Variants in SIPA1L3 observed in about 807,000 individuals in gnomAD.
The protein encoded by SIPA1L3 is signal-induced proliferation-associated 1-like protein 3.
Under a neutral mutation model 150.1 loss-of-function variants are expected in SIPA1L3, and 59 were observed. That is an observed-to-expected ratio of 0.39 (90% CI 0.32 to 0.49). The LOEUF (loss-of-function observed/expected upper bound fraction) is 0.49. SIPA1L3 is among the 20% of genes least tolerant of loss of function. The pLI is 0.86. For missense variants in SIPA1L3, 2,211 were observed against 2,489.5 expected (o/e 0.89, Z 2.38); for synonymous variants, 1,070 against 1,077.6 (o/e 0.99, Z 0.14).
At chr19:38,088,918 G>A in intron 4 of SIPA1L3, 67 bp downstream of exon 4, 1 of 1,567,340 alleles carries the variant, frequency 6.4e-7, no homozygotes, top group Admixed American at 1.7e-5. Context: ...CCAGGTTCTG[G>A]GGGCAAACGC....
chr19:37,941,231 G>T lies in SIPA1L3; in HGVS notation c.-379+33873G>T, dbSNP rs2046654570. ...TTCTGTATTGGTGTTAGTGGCCGTG[G>T]ATGACCATTGCTCAGAGCCATTATT... On this transcript the variant is annotated intron_variant, in intron 1 of 21. Transcript: ENST00000222345. 2.0e-5 allele frequency among the ~76,000 whole-genome samples: 3 copies of T among 152,086 alleles called. No homozygotes were observed. The South Asian group carries it at 6.2e-4, about 32-fold the overall frequency.
rs149241842 is a variant in SIPA1L3, at chr19:38,110,265, G to A, written c.2172G>A (p.Thr724=). 2.6e-5 allele frequency: 42 copies of A among 1,614,110 alleles called. No homozygotes were observed. In the African/African-American group the frequency reaches 3.2e-4, roughly 12 times the overall value. The change falls in exon 8 of 22, where the codon ACG becomes ACA. Residue 724 remains threonine (T), a synonymous_variant. Transcript: ENST00000222345. ...RKRHIGNDIV[T]IIFQEPGALP... ...GGCACATAGGAAATGACATCGTGACGATCATCTTCCAGGAGCCTGGCGCGC... is the reference window on the plus strand; with the variant it reads ...GGCACATAGGAAATGACATCGTGACAATCATCTTCCAGGAGCCTGGCGCGC...
chr19:37,909,586 G>T (rs966068578), intron 1 of SIPA1L3, among the ~76,000 whole-genome samples: 2 of 152,222 alleles, frequency 1.3e-5, no homozygotes, highest in Non-Finnish European at 2.9e-5. Context: ...AGGGCAAGAA[G>T]ATGTTATAGA....
chr19:38,092,742 G>A (rs925940090), intron 4 of SIPA1L3, among the ~76,000 whole-genome samples: 20 of 152,218 alleles, frequency 1.3e-4, no homozygotes, highest in African/African-American at 4.6e-4. Context: ...GTGTTTGAGG[G>A]GGAGACAAAA....
intron 1 of SIPA1L3, among the ~76,000 whole-genome samples, chr19:38,006,975 T>C (rs2145671882): frequency 6.6e-6 from 1 of 152,248 alleles, no homozygotes; most frequent in South Asian, 2.1e-4. Flanking sequence ...GCCGGGAAGG[T>C]AGAGTAAGGC....
At chr19:37,993,276 C>G (rs1161439898) in intron 1 of SIPA1L3, among the ~76,000 whole-genome samples, 1 of 152,168 alleles carries the variant, frequency 6.6e-6, no homozygotes, top group Non-Finnish European at 1.5e-5. Context: ...GCCCTTGAAC[C>G]AGCTCTTGGC....
At chr19:38,204,775 GA>G (rs1044472623) in intron 21 of SIPA1L3, among the ~76,000 whole-genome samples, 1 of 150,732 alleles carries the variant, frequency 6.6e-6, no homozygotes, top group Non-Finnish European at 1.5e-5. Context: ...CAAAAAAAAA[GA>G]AAAAAAAATG....
At chr19:37,907,440 G>C (rs1387385233) in intron 1 of SIPA1L3, 82 bp downstream of exon 1, 3 of 152,296 alleles carry the variant, frequency 2.0e-5, no homozygotes, top group African/African-American at 4.8e-5. Context: ...GGGTCAGCGC[G>C]GGCGGACGGC....
At chr19:37,937,027 A>T (rs764121083) in intron 1 of SIPA1L3, among the ~76,000 whole-genome samples, 19 of 151,940 alleles carry the variant, frequency 1.3e-4, no homozygotes, top group Non-Finnish European at 2.2e-4. Context: ...TGGTTGGCTA[A>T]TTTTTTTCAT....
intron 2 of SIPA1L3, among the ~76,000 whole-genome samples, chr19:38,078,437 T>TAC (rs1568536079): frequency 4.4e-5 from 5 of 113,350 alleles, no homozygotes; most frequent in East Asian, 2.4e-4. Flanking sequence ...TGCGCATACA[T>TAC]GCACACACAC....
At chr19:37,995,033 A>T (rs1967601104) in intron 1 of SIPA1L3, among the ~76,000 whole-genome samples, 1 of 152,208 alleles carries the variant, frequency 6.6e-6, no homozygotes, top group South Asian at 2.1e-4. Flanking sequence ...TGAGGATCAG[A>T]TCCTCAGACA....
At chr19:38,035,746 G>A (rs1968766314) in intron 2 of SIPA1L3, among the ~76,000 whole-genome samples, 1 of 152,100 alleles carries the variant, frequency 6.6e-6, no homozygotes, top group African/African-American at 2.4e-5. Flanking sequence ...GATGATGGTG[G>A]TGGCGGTGGT....
Position 38,182,544 on chromosome 19 carries a change from C to T in SIPA1L3, c.4234C>T (p.Pro1412Ser), listed in dbSNP as rs765335991. The T allele has an allele frequency of 3.1e-6, 5 of 1,612,500 alleles. 1 individual carries two copies. The highest frequency in any genetic ancestry group is 3.3e-4 in the Middle Eastern group (2 of 6,054). ...PSDMGSRVGYPAQVYKTASAE... is the reference protein window; with the variant it reads ...PSDMGSRVGYSAQVYKTASAE... ...TGACATGGGCTCGAGGGTTGGCTAC[C>T]CCGCTCAGGTTTACAAAACTGCCAG... is the stretch of plus-strand genomic sequence containing the variant. Residue 1412 changes from proline (P) to serine (S), a missense_variant, in exon 16 of 22, where the codon CCC becomes TCC. Around this residue, in one of 5 missense-constraint regions of SIPA1L3, gnomAD observed 806 missense variants for 870.1 expected, o/e 0.93. Coordinates refer to ENST00000222345, the MANE Select transcript of SIPA1L3 (RefSeq NM_015073.3).
chr19:38,112,307 C>T (rs529383365), intron 8 of SIPA1L3, among the ~76,000 whole-genome samples: 1 of 152,214 alleles, frequency 6.6e-6, no homozygotes, highest in Non-Finnish European at 1.5e-5. Context: ...CATGCACACG[C>T]ACACATACAC....
rs1057279433 is a variant in SIPA1L3, at chr19:38,080,798, C to T, written c.-310-458C>T. Among the ~76,000 whole-genome samples, 5 of 151,660 alleles carry T rather than the reference C, an allele frequency of 3.3e-5. No individual in the cohort carries two copies. In the South Asian group the frequency reaches 6.2e-4, roughly 19 times the overall value. On this transcript the variant is annotated intron_variant, in intron 2 of 21. Transcript: ENST00000222345. ...CAGTTTGGCCAATATGACAAAACCC[C>T]GTCTCTACTAAAAATAAGAAAAATT...
chr19:38,135,328 C>T (rs747433308), intron 10 of SIPA1L3, among the ~76,000 whole-genome samples: 1 of 152,230 alleles, frequency 6.6e-6, no homozygotes, highest in East Asian at 1.9e-4. Context: ...AGTCATGCCC[C>T]GGGTGTCTCC....
intron 6 of SIPA1L3, among the ~76,000 whole-genome samples, chr19:38,105,870 GGGCTGT>G (rs1162888887): frequency 6.6e-6 from 1 of 152,144 alleles, no homozygotes; most frequent in Non-Finnish European, 1.5e-5. Flanking sequence ...TGATTTCTCT[GGGCTGT>G]GGTCCAAGGA....
chr19:38,144,270 G>A (rs998036992), intron 12 of SIPA1L3, among the ~76,000 whole-genome samples: 4 of 152,256 alleles, frequency 2.6e-5, no homozygotes. Flanking sequence ...CTGTAAGAGA[G>A]CGAGAGAGAG....
At chr19:38,060,547 A>G (rs1969424064) in intron 2 of SIPA1L3, among the ~76,000 whole-genome samples, 1 of 152,184 alleles carries the variant, frequency 6.6e-6, no homozygotes, top group South Asian at 2.1e-4. Flanking sequence ...GTGAGGACAG[A>G]ATGAATGCAC....
Sources: gnomAD v4.1 joint callset for allele counts (sites outside exome capture counted in the v4.1 genomes callset) on GRCh38, gnomAD v4.1.1 for gene constraint, gnomAD v4.1.1 regional missense constraint, MANE v1.5 for transcripts, NCBI Gene and HGNC (gene_info 2026-07-23, HGNC 2026-07-21) for gene names.